The following PIERCE2 variants were observed in gnomAD, a reference collection of about 807,000 sequenced individuals.
The protein encoded by PIERCE2 is piercer of microtubule wall 2.
chr15:55,418,524 A>C, the PIERCE2 span: 2 of 1,521,270 alleles, frequency 1.3e-6, no homozygotes, highest in Non-Finnish European at 1.8e-6. Flanking sequence ...ACTGCACCTG[A>C]CAGAACCAGA....
At chr15:55,412,829 C>T in the PIERCE2 span, among the ~76,000 whole-genome samples, 2 of 152,002 alleles carry the variant, frequency 1.3e-5, no homozygotes, top group African/African-American at 4.8e-5. Flanking sequence ...TTTTATAGTA[C>T]TTTTAAGTTA....
At chr15:55,409,705 C>T in the PIERCE2 span, among the ~76,000 whole-genome samples, 2 of 152,104 alleles carry the variant, frequency 1.3e-5, no homozygotes, top group East Asian at 3.9e-4. Context: ...TAATCAATGG[C>T]TTGTTTTCAT....
chr15:55,418,144 G>C, the PIERCE2 span: 1 of 1,570,638 alleles, frequency 6.4e-7, no homozygotes, highest in South Asian at 1.2e-5. Flanking sequence ...CTGAAAAAGG[G>C]AAGTGGGTGG....
the PIERCE2 span, chr15:55,417,920 C>A: frequency 2.0e-6 from 1 of 501,836 alleles, no homozygotes; most frequent in Non-Finnish European, 3.5e-6. Context: ...GGGCAGGGGT[C>A]ACAAGGTGCT....
the PIERCE2 span, among the ~76,000 whole-genome samples, chr15:55,412,219 A>G: frequency 6.6e-6 from 1 of 152,044 alleles, no homozygotes; most frequent in South Asian, 2.1e-4. Flanking sequence ...TACCAGTTTT[A>G]CAGATAATAT....
chr15:55,414,593 T>C, the PIERCE2 span, among the ~76,000 whole-genome samples: 4 of 152,242 alleles, frequency 2.6e-5, no homozygotes, highest in African/African-American at 9.6e-5. Flanking sequence ...TTAATAGATT[T>C]TCCAGCTGGG....
chr15:55,411,975 C>A, the PIERCE2 span, among the ~76,000 whole-genome samples: 1 of 151,494 alleles, frequency 6.6e-6, no homozygotes, highest in Admixed American at 6.6e-5. Flanking sequence ...CCTTTAAGCC[C>A]AGCGATTTGG....
the PIERCE2 span, chr15:55,418,746 T>C: frequency 9.8e-6 from 5 of 509,936 alleles, no homozygotes; most frequent in African/African-American, 3.9e-5. Context: ...TGAAAATATG[T>C]TCAAAATAGC....
At chr15:55,408,757 A>C in the PIERCE2 span, 1 of 1,527,636 alleles carries the variant, frequency 6.5e-7, no homozygotes, top group Non-Finnish European at 8.8e-7. Context: ...AAATTAACAA[A>C]GAAGAGCGAA....
the PIERCE2 span, chr15:55,418,782 G>C: frequency 2.3e-6 from 1 of 435,476 alleles, no homozygotes; most frequent in Non-Finnish European, 4.0e-6. Flanking sequence ...AAGTGTTTTA[G>C]TCCATGTAAT....
At chr15:55,416,951 ACT>A in the PIERCE2 span, among the ~76,000 whole-genome samples, 3 of 152,038 alleles carry the variant, frequency 2.0e-5, no homozygotes, top group Non-Finnish European at 4.4e-5. Context: ...ACAGAGCGAG[ACT>A]CTGTCTCAAA....
the PIERCE2 span, among the ~76,000 whole-genome samples, chr15:55,416,101 T>A: frequency 6.7e-6 from 1 of 149,246 alleles, no homozygotes; most frequent in African/African-American, 2.6e-5. Context: ...CATTGTTATA[T>A]ATATAGAGAG....
chr15:55,414,357 G>A, the PIERCE2 span, among the ~76,000 whole-genome samples: 8 of 150,948 alleles, frequency 5.3e-5, no homozygotes, highest in African/African-American at 1.9e-4. Flanking sequence ...TTACAGGTGT[G>A]TGCCACCACG....
At chr15:55,418,198 A>C in the PIERCE2 span, 3 of 1,565,138 alleles carry the variant, frequency 1.9e-6, no homozygotes, top group Admixed American at 4.0e-5. Context: ...ATAATGGAGA[A>C]TGATTTTATG....
At chr15:55,417,365 C>G in the PIERCE2 span, among the ~76,000 whole-genome samples, 1 of 152,120 alleles carries the variant, frequency 6.6e-6, no homozygotes, top group African/African-American at 2.4e-5. Context: ...AGTGGAATGG[C>G]TTTCCCTAAC....
the PIERCE2 span, among the ~76,000 whole-genome samples, chr15:55,416,282 A>G: frequency 6.6e-6 from 1 of 151,966 alleles, no homozygotes; most frequent in African/African-American, 2.4e-5. Context: ...TTGTATTTTT[A>G]GTAGAGACGG....
At chr15:55,412,093 C>CAAAAA in the PIERCE2 span, among the ~76,000 whole-genome samples, 433 of 81,846 alleles carry the variant, frequency 5.3e-3, 4 homozygotes, top group Non-Finnish European at 7.8e-3. Context: ...TTTGTCTCCA[C>CAAAAA]AAAAAAAAAA....
At chr15:55,412,287 C>G in the PIERCE2 span, among the ~76,000 whole-genome samples, 1 of 152,096 alleles carries the variant, frequency 6.6e-6, no homozygotes, top group African/African-American at 2.4e-5. Context: ...CTGCCTTGTG[C>G]TACTCTTCCA....
chr15:55,413,045 G>C, the PIERCE2 span, among the ~76,000 whole-genome samples: 1 of 152,096 alleles, frequency 6.6e-6, no homozygotes, highest in Non-Finnish European at 1.5e-5. Flanking sequence ...AAGGCGGGCG[G>C]ATCACGAGGT....
Sources: gnomAD v4.1 joint callset for allele counts (sites outside exome capture counted in the v4.1 genomes callset) on GRCh38, gnomAD v4.1.1 for gene constraint, MANE v1.5 for transcripts, NCBI Gene and HGNC (gene_info 2026-07-23, HGNC 2026-07-21) for gene names.